Variants in CTIF observed in about 807,000 individuals in gnomAD.
CTIF encodes the protein CBP80/20-dependent translation initiation factor.
In CTIF, 21 loss-of-function variants were observed where a neutral mutation model predicts 66.0. The ratio of observed to expected loss-of-function variants is 0.32; its 90% CI spans 0.23 to 0.46. CTIF has a LOEUF of 0.46. Among genes scored for constraint, CTIF ranks in the 20% least tolerant of loss-of-function variants. The probability of loss-of-function intolerance (pLI) is 1.00; values close to 1 mark genes in which losing one functional copy is unlikely to be tolerated. For missense variants in CTIF, 739 were observed against 812.7 expected (o/e 0.91, Z 1.10); for synonymous variants, 345 against 326.4 (o/e 1.06, Z -0.62).
At chr18:48,700,734 C>T (rs2092073723) in intron 6 of CTIF, among the ~76,000 whole-genome samples, 1 of 152,234 alleles carries the variant, frequency 6.6e-6, no homozygotes. Context: ...TCCCTTCCTC[C>T]ACAGCTCCTT....
At position 48,664,585 on chromosome 18, in the gene CTIF, G is replaced by A. The variant is rs2091403744; in HGVS notation, c.431+34G>A. ...TGCTGGGGCTCTTACCCAGGGTGGG[G>A]TGGGGCAGGGGACGGGAGTGGCCTT... is the stretch of plus-strand genomic sequence containing the variant. On this transcript the variant is annotated intron_variant, in intron 5 of 11. Transcript: ENST00000256413. The A allele has an allele frequency of 1.9e-6, 3 of 1,586,590 alleles. 1 individual carries two copies. The South Asian group carries it at 3.3e-5, about 17-fold the overall frequency.
At chr18:48,553,342 G>A (rs191360010) in intron 1 of CTIF, among the ~76,000 whole-genome samples, 164 of 152,304 alleles carry the variant, frequency 1.1e-3, no homozygotes, top group African/African-American at 3.7e-3. Context: ...GCCAGCCACG[G>A]GCGTGGCAAG....
chr18:48,649,945 G>C (rs946433380), intron 3 of CTIF, among the ~76,000 whole-genome samples: 1 of 152,148 alleles, frequency 6.6e-6, no homozygotes, highest in Non-Finnish European at 1.5e-5. Flanking sequence ...CAACAAAAAG[G>C]ACATCCACAC....
chr18:48,717,445 ATAAT>A (rs2092293277), intron 7 of CTIF, among the ~76,000 whole-genome samples: 2 of 147,646 alleles, frequency 1.4e-5, no homozygotes, highest in South Asian at 2.1e-4. Flanking sequence ...AAATAAATAA[ATAAT>A]AAGAATTTTG....
At chr18:48,572,261 A>T (rs1209500014) in intron 1 of CTIF, among the ~76,000 whole-genome samples, 1 of 152,144 alleles carries the variant, frequency 6.6e-6, no homozygotes, top group African/African-American at 2.4e-5. Flanking sequence ...ATTTATTATA[A>T]ATGTTAATCA....
At chr18:48,650,322 C>T (rs1035836022) in intron 3 of CTIF, among the ~76,000 whole-genome samples, 1 of 152,144 alleles carries the variant, frequency 6.6e-6, no homozygotes, top group African/African-American at 2.4e-5. Context: ...CATGAGAACT[C>T]GTGACGCATG....
chr18:48,677,836 C>T (rs938400409), intron 6 of CTIF, among the ~76,000 whole-genome samples: 9 of 152,194 alleles, frequency 5.9e-5, no homozygotes, highest in African/African-American at 2.2e-4. Flanking sequence ...GGACTCCCAC[C>T]CAGCATCTTA....
At chr18:48,827,604 A>G (rs900278370) in intron 10 of CTIF, among the ~76,000 whole-genome samples, 1 of 152,218 alleles carries the variant, frequency 6.6e-6, no homozygotes. Context: ...ACCTTTCTGC[A>G]TGAACAGTTT....
At chr18:48,752,344 G>A (rs923859994) in intron 7 of CTIF, among the ~76,000 whole-genome samples, 1 of 152,122 alleles carries the variant, frequency 6.6e-6, no homozygotes, top group African/African-American at 2.4e-5. Context: ...TGCTGTTGCC[G>A]CCATCATGAT....
chr18:48,684,033 G>A (rs2091792946), intron 6 of CTIF, among the ~76,000 whole-genome samples: 1 of 152,244 alleles, frequency 6.6e-6, no homozygotes. Flanking sequence ...GGACACTGCT[G>A]TGGCGTGGTG....
chr18:48,647,758 C>T (rs936407541), intron 3 of CTIF, among the ~76,000 whole-genome samples: 1 of 152,154 alleles, frequency 6.6e-6, no homozygotes, highest in African/African-American at 2.4e-5. Context: ...GCTTTCTCCC[C>T]CACCCGCCCA....
intron 10 of CTIF, among the ~76,000 whole-genome samples, chr18:48,821,256 T>C (rs1323701310): frequency 6.6e-6 from 1 of 152,226 alleles, no homozygotes; most frequent in African/African-American, 2.4e-5. Context: ...CGTTGCCTTG[T>C]AGTAGTGTTC....
At chr18:48,844,773 C>T (rs538952483) in intron 10 of CTIF, among the ~76,000 whole-genome samples, 3 of 152,312 alleles carry the variant, frequency 2.0e-5, no homozygotes, top group African/African-American at 4.8e-5. Context: ...CAGGCAAGAG[C>T]GATTAACATA....
At chr18:48,651,496 G>A (rs764650574) in intron 3 of CTIF, among the ~76,000 whole-genome samples, 18 of 151,496 alleles carry the variant, frequency 1.2e-4, no homozygotes, top group Non-Finnish European at 2.5e-4. Context: ...CTCCCACTTA[G>A]ACTCCCACAC....
chr18:48,615,888 C>T (rs968252858), intron 1 of CTIF, among the ~76,000 whole-genome samples: 11 of 152,220 alleles, frequency 7.2e-5, no homozygotes, highest in Admixed American at 1.3e-4. Context: ...AAGAGGCACC[C>T]GCAGAGCGAG....
intron 6 of CTIF, among the ~76,000 whole-genome samples, chr18:48,701,075 A>G (rs1357933772): frequency 6.6e-6 from 1 of 152,168 alleles, no homozygotes; most frequent in Non-Finnish European, 1.5e-5. Context: ...CTTGCTCTCT[A>G]GAGTTCTTGA....
intron 7 of CTIF, among the ~76,000 whole-genome samples, chr18:48,720,088 T>G (rs771267532): frequency 6.6e-6 from 1 of 152,216 alleles, no homozygotes; most frequent in African/African-American, 2.4e-5. Flanking sequence ...ATTCACTAAT[T>G]CAGTATTTGC....
chr18:48,746,203 A>G (rs555419176), intron 7 of CTIF, among the ~76,000 whole-genome samples: 85 of 152,246 alleles, frequency 5.6e-4, no homozygotes, highest in Non-Finnish European at 1.0e-3. Flanking sequence ...AGGGCTGGAC[A>G]AGGTTTATCA....
chr18:48,792,486 G>A (rs902105681), intron 9 of CTIF, among the ~76,000 whole-genome samples: 9 of 152,226 alleles, frequency 5.9e-5, no homozygotes, highest in Non-Finnish European at 1.5e-5. Flanking sequence ...GTCTGAAAGG[G>A]TGGAGTAGAT....
Sources: allele counts gnomAD v4.1 joint callset (sites outside exome capture counted in the v4.1 genomes callset), GRCh38; gene constraint gnomAD v4.1.1; transcripts MANE v1.5; gene names NCBI Gene and HGNC (gene_info 2026-07-23, HGNC 2026-07-21).